SH2B2: variants seen among roughly 807,000 people sequenced by gnomAD.
SH2B2 encodes the protein SH2B adaptor protein 2.
Under a neutral mutation model 35.7 loss-of-function variants are expected in SH2B2, and 37 were observed. The ratio of observed to expected loss-of-function variants is 1.04; its 90% CI spans 0.80 to 1.36. The LOEUF (loss-of-function observed/expected upper bound fraction) is 1.36. Ranked by LOEUF, SH2B2 falls within the 40% of genes most tolerant of loss-of-function variation. The pLI is 0.00. For missense variants in SH2B2, 852 were observed against 817.7 expected (o/e 1.04, Z -0.51); for synonymous variants, 383 against 376.4 (o/e 1.02, Z -0.20).
chr7:102,305,879 CCTTTTTTTTTTTT>C (rs1554554723), intron 2 of SH2B2, among the ~76,000 whole-genome samples: 1 of 143,520 alleles, frequency 7.0e-6, no homozygotes, highest in Non-Finnish European at 1.5e-5. Context: ...AGGAGGAGGT[CCTTTTTTTTTTTT>C]CTTTTTTTTT....
intron 4 of SH2B2, among the ~76,000 whole-genome samples, chr7:102,310,596 G>T (rs1034359753): frequency 8.5e-5 from 13 of 152,184 alleles, no homozygotes; most frequent in African/African-American, 3.1e-4. Flanking sequence ...TGAGCAATTG[G>T]CAGCAGCTCT....
At chr7:102,298,612 G>T (rs147450942) in intron 1 of SH2B2, among the ~76,000 whole-genome samples, 1 of 151,976 alleles carries the variant, frequency 6.6e-6, no homozygotes, top group Non-Finnish European at 1.5e-5. Context: ...ACAGGGTCTC[G>T]CTCTGTCCCC....
At chr7:102,287,997 C>T (rs1006820950) in intron 1 of SH2B2, among the ~76,000 whole-genome samples, 5 of 152,170 alleles carry the variant, frequency 3.3e-5, no homozygotes, top group Admixed American at 2.6e-4. Context: ...TGGGTGGAGC[C>T]CTACCAATGC....
At chr7:102,285,272 G>A (rs782573679), upstream of SH2B2, 1 of 1,539,252 alleles carries the variant, frequency 6.5e-7, no homozygotes, top group Non-Finnish European at 8.8e-7. Flanking sequence ...AGTCCACCGC[G>A]GGTCAGGCTC....
At chr7:102,299,075 A>AT (rs1175181718) in intron 1 of SH2B2, among the ~76,000 whole-genome samples, 1 of 138,808 alleles carries the variant, frequency 7.2e-6, no homozygotes, top group Non-Finnish European at 1.5e-5. Flanking sequence ...AATTTTCTGT[A>AT]TTTTTAGTAG....
chr7:102,307,864 G>A (rs546129445), intron 3 of SH2B2, among the ~76,000 whole-genome samples: 6 of 151,610 alleles, frequency 4.0e-5, no homozygotes, highest in East Asian at 3.9e-4. Context: ...TCCTCCTCCC[G>A]GGCTCAGGTG....
chr7:102,321,218 GC>G (rs1270873460), intron 8 of SH2B2, 80 bp from the exon 9 acceptor site: 1 of 1,187,388 alleles, frequency 8.4e-7, no homozygotes, highest in African/African-American at 1.6e-5. Flanking sequence ...GTGGGCCCTG[GC>G]CCCTTGAGGG....
chr7:102,305,106 A>G (rs1314455612), intron 2 of SH2B2, among the ~76,000 whole-genome samples: 1 of 152,104 alleles, frequency 6.6e-6, no homozygotes, highest in Non-Finnish European at 1.5e-5. Flanking sequence ...TGTTGGGAAC[A>G]CTGGTCCCTT....
chr7:102,307,267 C>T (rs1167009850), intron 3 of SH2B2, among the ~76,000 whole-genome samples: 3 of 152,194 alleles, frequency 2.0e-5, no homozygotes, highest in African/African-American at 4.8e-5. Context: ...GGAGGCACCC[C>T]GGTGGGTCTA....
intron 4 of SH2B2, chr7:102,309,604 G>C (rs185910624): frequency 4.0e-6 from 1 of 249,742 alleles, no homozygotes; most frequent in South Asian, 3.5e-5. Context: ...CAAGTGATCC[G>C]CCCAACTCAG....
Position 102,300,619 on chromosome 7 carries a change from G to A in SH2B2, c.69G>A (p.Trp23Ter). Reference sequence around the variant, plus strand: ...CAGTCCCGGTCCCGGTCCCGGACTGGCGGCAGTTCTGCGAGCTGCATGCGC... The same window carrying A: ...CAGTCCCGGTCCCGGTCCCGGACTGACGGCAGTTCTGCGAGCTGCATGCGC... ...PVPVPVPVPD[W>*]RQFCELHAQA... The change falls in exon 2 of 9, where the codon TGG (tryptophan) becomes TGA (stop). Residue 23 changes from tryptophan (W) to a stop codon, truncating the protein, a stop_gained. Coordinates refer to ENST00000444095, the MANE Select transcript of SH2B2 (RefSeq NM_001359228.2). LOFTEE classifies it high-confidence loss of function. 2.6e-6 allele frequency: 4 copies of A among 1,551,054 alleles called. No individual in the cohort carries two copies. The highest frequency in any genetic ancestry group is 3.5e-6 in the Non-Finnish European group (4 of 1,146,328).
At chr7:102,317,063 C>A in intron 6 of SH2B2, 124 bp from the exon 7 acceptor site, 2 of 804,452 alleles carry the variant, frequency 2.5e-6, no homozygotes, top group Admixed American at 3.1e-5. Flanking sequence ...ACTTTTTAAA[C>A]ATTATTCCAA....
rs1009762496 is a variant in SH2B2 at position 102,313,960 on chromosome 7, A to C, written c.924-376A>C. On this transcript the variant is annotated intron_variant, in intron 4 of 8. Coordinates refer to ENST00000444095, the MANE Select transcript of SH2B2 (RefSeq NM_001359228.2). ...GGTTTTATGACTACGTTTTGGGAAA[A>C]GGGGTTCTGGTTTCTGTGACCCACC... Among the ~76,000 whole-genome samples, 1,184 of 152,220 alleles carry C rather than the reference A, an allele frequency of 7.8e-3. 14 individuals carry two copies. The highest frequency in any genetic ancestry group is 0.028 in the African/African-American group (1,154 of 41,532).
At chr7:102,295,019 C>G (rs562011207) in intron 1 of SH2B2, among the ~76,000 whole-genome samples, 1 of 152,286 alleles carries the variant, frequency 6.6e-6, no homozygotes, top group South Asian at 2.1e-4. Flanking sequence ...GAAGATTCCT[C>G]TCTAAGTTCC....
In SH2B2 at chr7:102,314,652, G is replaced by C. The variant is rs1222473879; in HGVS notation, c.1156G>C (p.Gly386Arg). 1 of 398,438 alleles carries C rather than the reference G, an allele frequency of 2.5e-6. No homozygotes were observed. The highest frequency in any genetic ancestry group is 4.4e-6 in the Non-Finnish European group (1 of 226,104). 24.7% of individuals were successfully genotyped at this position (398,438 alleles called of 1,614,324 possible). A position where few individuals can be genotyped will look rare whatever the true frequency, so the allele number is the denominator to read the frequency against. ...CTTTCTGCAGACCCTGGAATCCCCG[G>C]GCGGCAGCGGCAGTGACAGCAATAA... The part of the protein sequence containing the change: ...ETFLQTLESP[G>R]GSGSDSNNTG... Residue 386 changes from glycine to arginine, a missense_variant, in exon 6 of 9, where the codon GGC becomes CGC. By Grantham distance (125) the Gly-to-Arg change is moderately radical. Around this residue, in one of 3 missense-constraint regions of SH2B2, gnomAD observed 556 missense variants for 514.5 expected, o/e 1.08. Transcript: ENST00000444095.
At chr7:102,303,904 A>G (rs781974089) in intron 2 of SH2B2, among the ~76,000 whole-genome samples, 4 of 150,276 alleles carry the variant, frequency 2.7e-5, no homozygotes, top group African/African-American at 9.8e-5. Context: ...AGCAGAGCCC[A>G]CTAATTTTGC....
At chr7:102,317,031 A>T (rs960831787) in intron 6 of SH2B2, 156 bp from the exon 7 acceptor site, 10 of 650,938 alleles carry the variant, frequency 1.5e-5, no homozygotes, top group Non-Finnish European at 2.3e-5. Context: ...TCAAAAAAAA[A>T]ATAAAAACTA....
chr7:102,289,070 G>A (rs1792570890), intron 1 of SH2B2, among the ~76,000 whole-genome samples: 2 of 152,216 alleles, frequency 1.3e-5, no homozygotes, highest in Admixed American at 1.3e-4. Flanking sequence ...TTATGGCTAT[G>A]CTCTGTCTAG....
intron 3 of SH2B2, among the ~76,000 whole-genome samples, chr7:102,307,494 G>T (rs1444148029): frequency 6.6e-6 from 1 of 152,126 alleles, no homozygotes; most frequent in Non-Finnish European, 1.5e-5. Flanking sequence ...TTGTGTTTGT[G>T]TTTCTGCCCG....
Sources: allele counts gnomAD v4.1 joint callset (sites outside exome capture counted in the v4.1 genomes callset), GRCh38; gene constraint gnomAD v4.1.1; regional missense constraint gnomAD v4.1.1; transcripts MANE v1.5; gene names NCBI Gene and HGNC (gene_info 2026-07-23, HGNC 2026-07-21).